Variants in DIS3L2 observed in about 807,000 individuals in gnomAD.
DIS3L2 encodes DIS3-like exonuclease 2.
DIS3L2 carries 34 observed loss-of-function variants against 97.5 expected under a neutral mutation model. The observed-to-expected ratio is 0.35, with a 90% confidence interval of 0.27 to 0.46. DIS3L2 has a LOEUF of 0.46. DIS3L2 is among the 20% of genes least tolerant of loss of function. The pLI, the probability that DIS3L2 is intolerant of heterozygous loss-of-function variation, is 1.00. For synonymous variants in DIS3L2, 435 were observed against 445.2 expected, an observed-to-expected ratio of 0.98 and a Z score of 0.29; for missense variants, 1,038 against 1,146.0, an observed-to-expected ratio of 0.91 and a Z score of 1.36.
Position 232,281,465 on chromosome 2 carries a change from A to G in DIS3L2, c.1659+18025A>G, listed in dbSNP as rs1463142310. On this transcript the variant is annotated intron_variant, in intron 13 of 20. Coordinates refer to ENST00000325385, the MANE Select transcript of DIS3L2 (RefSeq NM_152383.5). This position sits in a 1 kb window ranked among gnomAD's most constrained non-coding sequence, Gnocchi z 4.1. The stretch of plus-strand genomic sequence containing the variant: ...TTGGTGCTGTTGAAGCATTTTACAT[A>G]TAGGAGTTGTGGGATGGGACCTCTT... Among the ~76,000 whole-genome samples, 1 of 152,180 alleles carries G rather than the reference A, an allele frequency of 6.6e-6. No individual in the cohort carries two copies. The highest frequency in any genetic ancestry group is 1.9e-4 in the East Asian group (1 of 5,196).
intron 14 of DIS3L2, among the ~76,000 whole-genome samples, chr2:232,322,568 G>A (rs752815939): frequency 6.6e-6 from 1 of 152,234 alleles, no homozygotes; most frequent in Non-Finnish European, 1.5e-5. Flanking sequence ...TTTAGTGGCT[G>A]TGTGGCTGGG....
intron 13 of DIS3L2, among the ~76,000 whole-genome samples, chr2:232,266,631 C>G (rs888107828): frequency 3.3e-5 from 5 of 152,146 alleles, no homozygotes; most frequent in Non-Finnish European, 5.9e-5. Context: ...TATAAATCAG[C>G]TAAATGGCCC....
chr2:232,278,085 C>T (rs572781260), intron 13 of DIS3L2, among the ~76,000 whole-genome samples: 1 of 152,314 alleles, frequency 6.6e-6, no homozygotes, highest in South Asian at 2.1e-4. Flanking sequence ...TGCATTGTTA[C>T]TGCTTCTCAC....
At chr2:232,051,325 C>T (rs903049167) in intron 5 of DIS3L2, among the ~76,000 whole-genome samples, 18 of 152,174 alleles carry the variant, frequency 1.2e-4, no homozygotes, top group African/African-American at 4.3e-4. Context: ...CATTTTCCTT[C>T]TATCTAGCCA....
At chr2:232,084,698 A>T (rs1696519173) in intron 5 of DIS3L2, among the ~76,000 whole-genome samples, 1 of 152,144 alleles carries the variant, frequency 6.6e-6, no homozygotes, top group South Asian at 2.1e-4. Context: ...ATCTGACATG[A>T]GTCAAAACAA....
intron 14 of DIS3L2, among the ~76,000 whole-genome samples, chr2:232,300,425 G>A (rs909223814): frequency 6.6e-6 from 1 of 152,154 alleles, no homozygotes; most frequent in African/African-American, 2.4e-5. Context: ...CCAGTCATGT[G>A]CCTGCTTGTT....
intron 8 of DIS3L2, among the ~76,000 whole-genome samples, chr2:232,145,042 A>G (rs1690181412): frequency 6.6e-6 from 1 of 152,120 alleles, no homozygotes; most frequent in East Asian, 1.9e-4. Context: ...TAATTATTAT[A>G]CTGTATTTTT....
At chr2:232,069,125 T>C (rs2106284582) in intron 5 of DIS3L2, among the ~76,000 whole-genome samples, 1 of 152,288 alleles carries the variant, frequency 6.6e-6, no homozygotes, top group Admixed American at 6.5e-5. Flanking sequence ...CCTGAGCTTA[T>C]TTTTTAGTGA....
chr2:232,210,814 A>T (rs1367530515), intron 10 of DIS3L2, among the ~76,000 whole-genome samples: 1 of 148,930 alleles, frequency 6.7e-6, no homozygotes, highest in Non-Finnish European at 1.5e-5. Context: ...TTGAAGGGGT[A>T]CTCTTCAAAG....
intron 14 of DIS3L2, 28 bp from the exon 15 acceptor site, chr2:232,329,785 T>TCCCGGGGCCCCCCCC: frequency 4.1e-6 from 4 of 967,142 alleles, no homozygotes; most frequent in East Asian, 3.1e-5. Flanking sequence ...ACCCCAGCGG[T>TCCCGGGGCCCCCCCC]CCCTCCCATC....
At chr2:231,970,648 A>T (rs1009382855) in intron 1 of DIS3L2, among the ~76,000 whole-genome samples, 6 of 152,218 alleles carry the variant, frequency 3.9e-5, no homozygotes, top group African/African-American at 1.4e-4. Flanking sequence ...CGGGTGAGTC[A>T]GTGAGTGAGT....
intron 9 of DIS3L2, among the ~76,000 whole-genome samples, chr2:232,168,240 A>T (rs964397385): frequency 2.6e-5 from 4 of 151,978 alleles, no homozygotes; most frequent in African/African-American, 9.7e-5. Context: ...AAATGCAATA[A>T]TTTTTTTTCT....
rs1357113143 is a variant in DIS3L2, at chr2:232,187,256, C to T, written c.1125-23070C>T. The stretch of plus-strand genomic sequence containing the variant: ...CTGTAATTTAAAAAAATACAGATAA[C>T]AAGTGTTGGTGAGGATGTAGTGAAA... On this transcript the variant is annotated intron_variant, in intron 9 of 20. Transcript: ENST00000325385. 3.3e-5 allele frequency among the ~76,000 whole-genome samples: 5 copies of T among 152,116 alleles called. No individual in the cohort carries two copies. In the East Asian group the frequency reaches 9.6e-4, roughly 29 times the overall value.
intron 13 of DIS3L2, chr2:232,343,102 T>A: frequency 2.1e-6 from 1 of 481,690 alleles, no homozygotes; most frequent in South Asian, 2.6e-5. Flanking sequence ...CACTGCCGCC[T>A]ACCCTGGGGT....
intron 14 of DIS3L2, chr2:232,329,131 ACT>A (rs1695659395): frequency 1.3e-5 from 2 of 152,434 alleles, no homozygotes; most frequent in South Asian, 4.1e-4. Flanking sequence ...TGAAAGGGTG[ACT>A]CTGGGGTCTC....
At chr2:232,329,696 T>C (rs1695675464) in intron 14 of DIS3L2, 117 bp from the exon 15 acceptor site, 1 of 1,102,022 alleles carries the variant, frequency 9.1e-7, no homozygotes, top group Non-Finnish European at 1.3e-6. Context: ...GGAGGTTGTC[T>C]TTAAGCTGAG....
intron 10 of DIS3L2, among the ~76,000 whole-genome samples, chr2:232,224,063 G>T (rs1692576187): frequency 1.3e-5 from 2 of 152,192 alleles, no homozygotes; most frequent in Admixed American, 1.3e-4. Context: ...CTGTCCTCCA[G>T]CCTGGGCGAC....
intron 1 of DIS3L2, among the ~76,000 whole-genome samples, chr2:232,002,470 T>C (rs1371256450): frequency 6.6e-6 from 1 of 152,254 alleles, no homozygotes; most frequent in Non-Finnish European, 1.5e-5. Flanking sequence ...AAGGACACTG[T>C]TACAGTATTC....
At chr2:232,282,041 A>G (rs888416292) in intron 13 of DIS3L2, among the ~76,000 whole-genome samples, 1 of 151,164 alleles carries the variant, frequency 6.6e-6, no homozygotes, top group African/African-American at 2.4e-5. Context: ...CCCAGAGGCT[A>G]CTGTGGAGCA....
Sources: gnomAD v4.1 joint callset for allele counts (sites outside exome capture counted in the v4.1 genomes callset) on GRCh38, gnomAD v4.1.1 for gene constraint, Gnocchi (gnomAD v3.1) non-coding constraint, MANE v1.5 for transcripts, NCBI Gene and HGNC (gene_info 2026-07-23, HGNC 2026-07-21) for gene names.